KIFAP3: variants seen among roughly 807,000 people sequenced by gnomAD.
The protein encoded by KIFAP3 is kinesin-associated protein 3.
In KIFAP3, 68 loss-of-function variants were observed where a neutral mutation model predicts 106.5. That is an observed-to-expected ratio of 0.64 (90% CI 0.53 to 0.78). KIFAP3 has a LOEUF of 0.78. Among genes scored for constraint, KIFAP3 ranks in the 30% least tolerant of loss-of-function variants. The pLI is 0.00. For missense variants in KIFAP3, 780 were observed against 941.8 expected (o/e 0.83, Z 2.25); for synonymous variants, 320 against 311.5 (o/e 1.03, Z -0.29).
intron 12 of KIFAP3, among the ~76,000 whole-genome samples, chr1:169,984,370 C>T (rs556263796): frequency 6.6e-6 from 1 of 151,696 alleles, no homozygotes; most frequent in East Asian, 1.9e-4. Context: ...GGCTAACTCA[C>T]CATGGTTTGT....
At chr1:170,001,672 A>G (rs192010993) in intron 10 of KIFAP3, among the ~76,000 whole-genome samples, 6 of 152,258 alleles carry the variant, frequency 3.9e-5, no homozygotes, top group Admixed American at 6.5e-5. Context: ...GTGAAATTCC[A>G]TAACAGTTCG....
chr1:170,003,617 C>T (rs908513814), intron 10 of KIFAP3, among the ~76,000 whole-genome samples: 1 of 152,164 alleles, frequency 6.6e-6, no homozygotes, highest in African/African-American at 2.4e-5. Flanking sequence ...CTGTTTGTGC[C>T]CTGCCCCCAG....
At chr1:169,925,946 T>C (rs908896178) in intron 19 of KIFAP3, among the ~76,000 whole-genome samples, 1 of 152,092 alleles carries the variant, frequency 6.6e-6, no homozygotes, top group Non-Finnish European at 1.5e-5. Context: ...GTCAGCAATA[T>C]CAATGTAGAG....
intron 8 of KIFAP3, among the ~76,000 whole-genome samples, chr1:170,030,306 T>A (rs1313892717): frequency 6.6e-6 from 1 of 151,846 alleles, no homozygotes; most frequent in East Asian, 1.9e-4. Context: ...AGATGGCAGA[T>A]AAGCACATCA....
Position 169,921,798 on chromosome 1 carries a change from A to C in KIFAP3, c.2274-17T>G. 6.3e-7 allele frequency: 1 copy of C among 1,580,956 alleles called. No individual in the cohort carries two copies. Among genetic ancestry groups the C allele is most frequent in the Non-Finnish European group, 8.7e-7 (1 of 1,151,194 alleles). On this transcript the variant is annotated splice_polypyrimidine_tract_variant and intron_variant, in intron 19 of 19. Transcript: ENST00000361580. ...ATTCCAAGGCTAAAAAAGAAAAAAAAGAATGATAAGCTATGTTTTTCATCA... is the reference window on the plus strand; with the variant it reads ...ATTCCAAGGCTAAAAAAGAAAAAAACGAATGATAAGCTATGTTTTTCATCA...
chr1:169,961,015 A>T (rs376921728), intron 18 of KIFAP3, 31 bp downstream of exon 18: 18 of 1,583,332 alleles, frequency 1.1e-5, no homozygotes, highest in Non-Finnish European at 1.5e-5. Context: ...ATAGCATATA[A>T]TAAACTGTTT....
chr1:170,065,939 C>A (rs544580873), intron 1 of KIFAP3, among the ~76,000 whole-genome samples: 124 of 152,190 alleles, frequency 8.1e-4, no homozygotes, highest in Admixed American at 2.6e-3. Flanking sequence ...AGATTCAGAT[C>A]TATCACTTCA....
chr1:170,074,867 G>A (rs1258850972), upstream of KIFAP3: 2 of 555,758 alleles, frequency 3.6e-6, no homozygotes, highest in Admixed American at 4.5e-5. Context: ...CCCCCTTGAG[G>A]ATGGGAATAG....
chr1:169,995,203 T>A (rs2101942696), intron 10 of KIFAP3, among the ~76,000 whole-genome samples: 1 of 152,246 alleles, frequency 6.6e-6, no homozygotes, highest in African/African-American at 2.4e-5. Flanking sequence ...ACATTTGCCA[T>A]AGCAAAACTT....
intron 19 of KIFAP3, among the ~76,000 whole-genome samples, chr1:169,953,296 G>A (rs1275889400): frequency 6.6e-6 from 1 of 152,020 alleles, no homozygotes; most frequent in Non-Finnish European, 1.5e-5. Context: ...GCCATCTAGG[G>A]AGGAAAAGTC....
chr1:170,060,746 C>A (rs1671104229), intron 1 of KIFAP3, among the ~76,000 whole-genome samples: 5 of 152,180 alleles, frequency 3.3e-5, no homozygotes. Flanking sequence ...CATCACACTA[C>A]CTGATTTTAA....
chr1:169,999,280 G>A (rs758565417), intron 10 of KIFAP3, among the ~76,000 whole-genome samples: 2 of 152,218 alleles, frequency 1.3e-5, no homozygotes, highest in East Asian at 1.9e-4. Flanking sequence ...TGATTTTCTC[G>A]TAAGAATTCA....
intron 1 of KIFAP3, among the ~76,000 whole-genome samples, chr1:170,055,988 C>T (rs1295083329): frequency 6.6e-6 from 1 of 151,800 alleles, no homozygotes; most frequent in Non-Finnish European, 1.5e-5. Flanking sequence ...AAAAACTAGC[C>T]GGGCATGGTG....
chr1:170,065,429 T>A (rs1671389040), intron 1 of KIFAP3, among the ~76,000 whole-genome samples: 1 of 151,754 alleles, frequency 6.6e-6, no homozygotes, highest in Non-Finnish European at 1.5e-5. Context: ...CTGGCTAACA[T>A]GGTGAAACCC....
rs146901105 is a variant in KIFAP3, at chr1:170,027,336, C to A, written c.842-2740G>T. On this transcript the variant is annotated intron_variant, in intron 8 of 19. Transcript: ENST00000361580. Reference sequence around the variant, plus strand: ...CGCCTGACCCTGTCTTGCTTCTAATCAAAGATTTTCAGTCATACAAGAAGC... The same window carrying A: ...CGCCTGACCCTGTCTTGCTTCTAATAAAAGATTTTCAGTCATACAAGAAGC... Among the ~76,000 whole-genome samples the A allele has an allele frequency of 3.1e-3, 470 of 152,046 alleles. 16 individuals carry two copies. In the South Asian group the frequency reaches 0.057, roughly 19 times the overall value.
chr1:170,049,433 G>A (rs1307011212), intron 2 of KIFAP3, among the ~76,000 whole-genome samples: 1 of 152,174 alleles, frequency 6.6e-6, no homozygotes, highest in Non-Finnish European at 1.5e-5. Flanking sequence ...GCTTTGATGA[G>A]AGCAGCTGAT....
At chr1:170,009,898 G>A (rs557319878) in intron 10 of KIFAP3, among the ~76,000 whole-genome samples, 51 of 152,006 alleles carry the variant, frequency 3.4e-4, no homozygotes, top group Non-Finnish European at 6.5e-4. Context: ...TTTTAAAAAC[G>A]TAACACTATA....
At chr1:170,023,778 C>G (rs1376893091) in intron 9 of KIFAP3, among the ~76,000 whole-genome samples, 4 of 151,858 alleles carry the variant, frequency 2.6e-5, no homozygotes. Flanking sequence ...GATATATGCT[C>G]AACTTGTATT....
chr1:170,077,926 G>A (rs1671950963), upstream of KIFAP3, among the ~76,000 whole-genome samples: 1 of 151,656 alleles, frequency 6.6e-6, no homozygotes, highest in Admixed American at 6.6e-5. Context: ...TGGTATGAAT[G>A]TACCATAGTT....
Sources: gnomAD v4.1 joint callset for allele counts (sites outside exome capture counted in the v4.1 genomes callset) on GRCh38, gnomAD v4.1.1 for gene constraint, MANE v1.5 for transcripts, NCBI Gene and HGNC (gene_info 2026-07-23, HGNC 2026-07-21) for gene names.